CELF2: variants seen among roughly 807,000 people sequenced by gnomAD.
CELF2 encodes CUG triplet repeat RNA-binding protein 2.
CELF2 carries 8 observed loss-of-function variants against 62.6 expected under a neutral mutation model. The ratio of observed to expected loss-of-function variants is 0.13; its 90% confidence interval spans 0.07 to 0.23. The LOEUF is 0.23. Ranked by LOEUF, CELF2 falls within the 10% of genes least tolerant of loss-of-function variation. The probability of loss-of-function intolerance (pLI) is 1.00; values close to 1 mark genes in which losing one functional copy is unlikely to be tolerated. For synonymous variants in CELF2, 258 were observed against 250.0 expected (o/e 1.03, Z -0.30); for missense variants, 333 against 671.0 (o/e 0.50, Z 5.56).
chr10:11,166,592 T>A lies in CELF2; in HGVS notation c.271+910T>A, dbSNP rs532496616. On this transcript the variant is annotated intron_variant, in intron 2 of 12. Coordinates refer to ENST00000633077, the MANE Select transcript of CELF2 (RefSeq NM_001326342.2). ...TTTCTCTGTTGTTGATCTCTCAGTC[T>A]CTCTACTGAGGAGTCCTCTCTGTTG... Among the ~76,000 whole-genome samples the A allele has an allele frequency of 3.3e-5, 5 of 152,330 alleles. No homozygotes were observed. In the East Asian group the frequency reaches 9.6e-4, roughly 29 times the overall value.
the CELF2 span, among the ~76,000 whole-genome samples, chr10:10,781,951 T>G: frequency 1.3e-5 from 2 of 152,160 alleles, no homozygotes; most frequent in African/African-American, 4.8e-5. Context: ...TAATACAAAT[T>G]TAAAAAGCAA....
chr10:11,273,357 C>A (rs1444404313), intron 7 of CELF2, among the ~76,000 whole-genome samples: 1 of 152,156 alleles, frequency 6.6e-6, no homozygotes, highest in Non-Finnish European at 1.5e-5. Flanking sequence ...CCTAGGAGCA[C>A]GAACCTGGTC....
rs145537577 is a variant in CELF2, at chr10:11,180,972, C to G, written c.271+15290C>G. Among the ~76,000 whole-genome samples, 5 of 152,258 alleles carry G rather than the reference C, an allele frequency of 3.3e-5. No individual in the cohort carries two copies. The South Asian group carries it at 8.3e-4, about 25-fold the overall frequency. ...GCAAGTTCTGCCTCCCAGGTTCAAG[C>G]GATTCTCCTGCCTCAGCTTCCCTAA... On this transcript the variant is annotated intron_variant, in intron 2 of 12. Transcript: ENST00000633077.
In CELF2 at chr10:11,117,709, A is replaced by C. The variant is rs2056862557; in HGVS notation, c.75-47777A>C. Among the ~76,000 whole-genome samples, 1 of 152,214 alleles carries C rather than the reference A, an allele frequency of 6.6e-6. No individual in the cohort carries two copies. Among genetic ancestry groups the C allele is most frequent in the African/African-American group, 2.4e-5 (1 of 41,456 alleles). On this transcript the variant is annotated intron_variant, in intron 1 of 12. Coordinates refer to ENST00000633077, the MANE Select transcript of CELF2 (RefSeq NM_001326342.2). The surrounding 1 kb of genome is among the most constrained non-coding windows in gnomAD (Gnocchi z 4.1). ...ATGACAAAATCACCCAAGTATTTTTAAAATGTGTGACTCTCCAGAGAGGGT... is the reference window on the plus strand; with the variant it reads ...ATGACAAAATCACCCAAGTATTTTTCAAATGTGTGACTCTCCAGAGAGGGT...
chr10:11,314,354 A>G lies in CELF2; in HGVS notation c.1096+96A>G. 1 of 1,535,412 alleles carries G rather than the reference A, an allele frequency of 6.5e-7. No individual in the cohort carries two copies. The highest frequency in any genetic ancestry group is 9.0e-7 in the Non-Finnish European group (1 of 1,110,510). On this transcript the variant is annotated intron_variant, in intron 10 of 12. Transcript: ENST00000633077. This position sits in a 1 kb window ranked among gnomAD's most constrained non-coding sequence, Gnocchi z 5.3. The stretch of plus-strand genomic sequence containing the variant: ...AGCCAGAAATGACCCGAAAAAGGAT[A>G]TGCCACGGGGAGAACTAAAACTTGG...
chr10:11,286,487 G>A (rs147080283), intron 8 of CELF2, among the ~76,000 whole-genome samples: 3 of 152,210 alleles, frequency 2.0e-5, no homozygotes, highest in Admixed American at 6.5e-5. Context: ...GCAAGACCTC[G>A]CACAGCCTTG....
rs913611968 is a variant in CELF2, at chr10:11,246,786, C to G, written c.355-2367C>G. 6.6e-5 allele frequency among the ~76,000 whole-genome samples: 10 copies of G among 152,234 alleles called. No homozygotes were observed. Among genetic ancestry groups the G allele is most frequent in the Non-Finnish European group, 1.2e-4 (8 of 68,044 alleles). ...TCTTTCCCTCGCTGACAGCTTCGCG[C>G]ATACCTGTGGCTTCACTGTCACGCT... is the stretch of plus-strand genomic sequence containing the variant. On this transcript the variant is annotated intron_variant, in intron 3 of 12. Coordinates refer to ENST00000633077, the MANE Select transcript of CELF2 (RefSeq NM_001326342.2). This position sits in a 1 kb window ranked among gnomAD's most constrained non-coding sequence, Gnocchi z 4.6.
the CELF2 span, among the ~76,000 whole-genome samples, chr10:10,762,531 T>C: frequency 6.6e-6 from 1 of 152,146 alleles, no homozygotes; most frequent in Non-Finnish European, 1.5e-5. Context: ...CTATTCCAGA[T>C]GTCTACACGT....
At chr10:11,060,285 A>G (rs912884323) in intron 1 of CELF2, among the ~76,000 whole-genome samples, 33 of 152,352 alleles carry the variant, frequency 2.2e-4, no homozygotes, top group African/African-American at 7.5e-4. Context: ...CTTCCTGGAT[A>G]GGACAGCTCT....
Position 11,315,671 on chromosome 10 carries a change from C to G in CELF2, c.1096+1413C>G, listed in dbSNP as rs1170717789. ...CCCAAATGGGACGGCTCGTGATTAG[C>G]GTGGAGCCCGTGAAGTGGTAGCTGT... On this transcript the variant is annotated intron_variant, in intron 10 of 12. Transcript: ENST00000633077. This position sits in a 1 kb window ranked among gnomAD's most constrained non-coding sequence, Gnocchi z 5.8. 1.3e-5 allele frequency among the ~76,000 whole-genome samples: 2 copies of G among 152,164 alleles called. No homozygotes were observed. Among genetic ancestry groups the G allele is most frequent in the Non-Finnish European group, 2.9e-5 (2 of 68,030 alleles).
the CELF2 span, among the ~76,000 whole-genome samples, chr10:10,599,276 C>T: frequency 6.6e-6 from 1 of 152,144 alleles, no homozygotes; most frequent in African/African-American, 2.4e-5. Context: ...CAGAGCCTGT[C>T]ACTTAATTTC....
the CELF2 span, among the ~76,000 whole-genome samples, chr10:10,467,279 C>A: frequency 7.2e-5 from 11 of 151,896 alleles, no homozygotes; most frequent in South Asian, 2.1e-4. Flanking sequence ...GAAATAAAAA[C>A]CAAGGGTCAA....
intron 1 of CELF2, among the ~76,000 whole-genome samples, chr10:11,095,146 C>T (rs1386789877): frequency 6.6e-6 from 1 of 152,064 alleles, no homozygotes; most frequent in Non-Finnish European, 1.5e-5. Context: ...TGATGCGTGG[C>T]CCCCGTGATA....
the CELF2 span, among the ~76,000 whole-genome samples, chr10:10,600,759 A>C: frequency 6.6e-6 from 1 of 152,230 alleles, no homozygotes; most frequent in African/African-American, 2.4e-5. Context: ...TGTCAAGCTC[A>C]ATACATAAAT....
chr10:11,018,351 C>T (rs1040899757), intron 1 of CELF2, among the ~76,000 whole-genome samples, 188 bp downstream of exon 1: 2 of 151,654 alleles, frequency 1.3e-5, no homozygotes, highest in African/African-American at 4.8e-5. Flanking sequence ...CGAGCAGCGC[C>T]GGCGGTGCAG....
Position 10,938,890 on chromosome 10 carries a change from C to T in CELF2, c.89+18891C>T, listed in dbSNP as rs2046708338. Among the ~76,000 whole-genome samples the T allele has an allele frequency of 6.6e-6, 1 of 152,186 alleles. No homozygotes were observed. Among genetic ancestry groups the T allele is most frequent in the Admixed American group, 6.5e-5 (1 of 15,282 alleles). Reference sequence around the variant, plus strand: ...CCCTGCCTCTTGCTAGTTGAAGTCACCCCAGGGGTGTTTGCTCTTGTGTGC... The same window carrying T: ...CCCTGCCTCTTGCTAGTTGAAGTCATCCCAGGGGTGTTTGCTCTTGTGTGC... On this transcript the variant is annotated intron_variant, in intron 2 of 13. Coordinates refer to the CELF2 transcript ENST00000636488. This position sits in a 1 kb window ranked among gnomAD's most constrained non-coding sequence, Gnocchi z 4.2.
rs574493900 is a variant in CELF2, at chr10:11,306,342, G to A, written c.977-7797G>A. Among the ~76,000 whole-genome samples, 1 of 152,198 alleles carries A rather than the reference G, an allele frequency of 6.6e-6. No homozygotes were observed. Among genetic ancestry groups the A allele is most frequent in the Admixed American group, 6.5e-5 (1 of 15,300 alleles). On this transcript the variant is annotated intron_variant, in intron 9 of 12. Transcript: ENST00000633077. The surrounding 1 kb of genome is among the most constrained non-coding windows in gnomAD (Gnocchi z 4.4). ...GGTACAGTTCTCAGCACAGACTGAA[G>A]GAATCTGAGGTGGGAAGAATGCAGA...
chr10:10,482,940 A>C, the CELF2 span, among the ~76,000 whole-genome samples: 92 of 152,298 alleles, frequency 6.0e-4, no homozygotes, highest in East Asian at 0.016. Context: ...AAACCTGCTC[A>C]GCTGCTTCAC....
Position 11,242,420 on chromosome 10 carries a change from C to T in CELF2, c.355-6733C>T, listed in dbSNP as rs2074232046. On this transcript the variant is annotated intron_variant, in intron 3 of 12. Coordinates refer to ENST00000633077, the MANE Select transcript of CELF2 (RefSeq NM_001326342.2). This position sits in a 1 kb window ranked among gnomAD's most constrained non-coding sequence, Gnocchi z 4.8. The stretch of plus-strand genomic sequence containing the variant: ...TAGGCCTGTGTTGGCTCGGAACCCT[C>T]CCTTCCTACAGCAGAGACCCACCGA... 6.6e-6 allele frequency among the ~76,000 whole-genome samples: 1 copy of T among 152,046 alleles called. No individual in the cohort carries two copies. The highest frequency in any genetic ancestry group is 2.4e-5 in the African/African-American group (1 of 41,388).
Sources: allele counts gnomAD v4.1 joint callset (sites outside exome capture counted in the v4.1 genomes callset), GRCh38; gene constraint gnomAD v4.1.1; non-coding constraint Gnocchi (gnomAD v3.1); transcripts MANE v1.5; gene names NCBI Gene and HGNC (gene_info 2026-07-23, HGNC 2026-07-21).